The following BMP1 variants were observed in gnomAD, a reference collection of about 807,000 sequenced individuals.
BMP1 encodes mammalian tolloid protein.
BMP1 carries 63 observed loss-of-function variants against 116.8 expected under a neutral mutation model. That is an observed-to-expected ratio of 0.54 (90% CI 0.44 to 0.67). The LOEUF (loss-of-function observed/expected upper bound fraction) is 0.67. BMP1 is among the 30% of genes least tolerant of loss of function. The pLI is 0.00. For missense variants in BMP1, 1,183 were observed against 1,358.9 expected (o/e 0.87, Z 2.04); for synonymous variants, 536 against 533.4 (o/e 1.00, Z -0.07).
rs757759490 is a variant in BMP1 at position 22,165,575 on chromosome 8, G to C, written c.148+22G>C. The stretch of plus-strand genomic sequence containing the variant: ...GCGGGTGAGCGCCCCCCGGCCCCCC[G>C]GCGACGGGCCAGGCGGGGAGGCGCG... On this transcript the variant is annotated intron_variant, in intron 1 of 19. Coordinates refer to ENST00000306385, the MANE Select transcript of BMP1 (RefSeq NM_006129.5). 3 of 1,567,224 alleles carry C rather than the reference G, an allele frequency of 1.9e-6. No homozygotes were observed. The African/African-American group carries it at 4.2e-5, about 22-fold the overall frequency.
At chr8:22,192,903 T>C (rs1167965193) in intron 9 of BMP1, among the ~76,000 whole-genome samples, 1 of 152,236 alleles carries the variant, frequency 6.6e-6, no homozygotes, top group Admixed American at 6.5e-5. Context: ...CTCCTCAGCC[T>C]ATGCCTAAAA....
chr8:22,207,004 C>G, intron 17 of BMP1, 23 bp downstream of exon 17: 1 of 1,613,232 alleles, frequency 6.2e-7, no homozygotes, highest in Middle Eastern at 1.7e-4. Context: ...CTCCCCACTC[C>G]TTATGCGGTG....
chr8:22,183,520 A>C (rs1214984455), intron 8 of BMP1, among the ~76,000 whole-genome samples: 2 of 152,060 alleles, frequency 1.3e-5, no homozygotes, highest in African/African-American at 2.4e-5. Context: ...CATCCTTGGG[A>C]AATCTCACCC....
chr8:22,183,098 T>G (rs1306106188), intron 8 of BMP1, among the ~76,000 whole-genome samples: 3 of 151,852 alleles, frequency 2.0e-5, no homozygotes, highest in African/African-American at 7.3e-5. Flanking sequence ...GAACCCATTC[T>G]TCCTTGTTCT....
chr8:22,203,525 C>G (rs1397606100), intron 16 of BMP1, among the ~76,000 whole-genome samples: 2 of 152,160 alleles, frequency 1.3e-5, no homozygotes, highest in African/African-American at 2.4e-5. Flanking sequence ...CCATTGCACT[C>G]CAGCCTGGGC....
Position 22,207,486 on chromosome 8 carries a change from C to G in BMP1, c.2545C>G (p.Arg849Gly), listed in dbSNP as rs757267575. 3 of 1,613,692 alleles carry G rather than the reference C, an allele frequency of 1.9e-6. No individual in the cohort carries two copies. In the South Asian group the frequency reaches 3.3e-5, roughly 18 times the overall value. Residue 849 changes from arginine (R) to glycine (G), a missense_variant, in exon 18 of 20, where the codon CGA (arginine) becomes GGA (glycine). Arg to Gly is a moderately radical substitution (Grantham distance 125). This residue lies in a region of BMP1 where 956 missense variants were observed against 1,135.2 expected (regional missense o/e 0.84). Transcript: ENST00000306385. The stretch of plus-strand genomic sequence containing the variant: ...CTTCTACTCAGATAACTCGGTCCAG[C>G]GAAAGGGCTTCCAGGCCTCCCACGC... ...LRFYSDNSVQ[R>G]KGFQASHATE...
chr8:22,165,613 C>T, intron 1 of BMP1, 60 bp downstream of exon 1: 1 of 1,484,310 alleles, frequency 6.7e-7, no homozygotes, highest in South Asian at 1.3e-5. Flanking sequence ...CGGGTTCGGG[C>T]TTGGGGTTGG....
chr8:22,190,172 GC>G (rs1283771777), intron 8 of BMP1, among the ~76,000 whole-genome samples: 1 of 152,194 alleles, frequency 6.6e-6, no homozygotes, highest in African/African-American at 2.4e-5. Flanking sequence ...TGATCCACCT[GC>G]CTTGGCCTCC....
intron 15 of BMP1, chr8:22,198,881 T>TC: frequency 9.1e-7 from 1 of 1,102,592 alleles, no homozygotes; most frequent in Non-Finnish European, 1.1e-6. Context: ...GCCAATTTCT[T>TC]CCTTCCCTGT....
intron 15 of BMP1, chr8:22,201,423 G>A (rs1021374865): frequency 7.0e-7 from 1 of 1,423,912 alleles, no homozygotes; most frequent in Non-Finnish European, 9.1e-7. Flanking sequence ...GATGGTGTCT[G>A]TGACATTTCC....
At chr8:22,196,312 C>T in intron 13 of BMP1, 2 of 564,956 alleles carry the variant, frequency 3.5e-6, no homozygotes, top group Non-Finnish European at 3.4e-6. Context: ...GCCGATCCTG[C>T]TGTGCCCCCG....
In BMP1 at chr8:22,176,258, A is replaced by C. The variant is rs368185037; in HGVS notation, c.378A>C (p.Pro126=). 2 of 1,613,368 alleles carry C rather than the reference A, an allele frequency of 1.2e-6. No homozygotes were observed. The highest frequency in any genetic ancestry group is 3.3e-5 in the Admixed American group (2 of 59,868). ...SRSRRAATSR[P]ERVWPDGVIP... The stretch of plus-strand genomic sequence containing the variant: ...GCCGGCGGGCGGCGACGTCCCGACC[A>C]GAGCGTGTGTGGCCCGATGGGGTCA... Residue 126 remains proline (P), a synonymous_variant, in exon 3 of 20, where the codon CCA becomes CCC. Transcript: ENST00000306385.
chr8:22,166,801 G>C (rs1828126659), intron 1 of BMP1, among the ~76,000 whole-genome samples: 2 of 152,178 alleles, frequency 1.3e-5, no homozygotes, highest in South Asian at 4.1e-4. Context: ...CACCTGCTGG[G>C]CTGCGGGTAA....
rs1005751939 is a variant in BMP1 at position 22,196,234 on chromosome 8, C to T, written c.1766-446C>T. The T allele has an allele frequency of 5.3e-5, 28 of 527,500 alleles. 3 individuals carry two copies. The highest frequency in any genetic ancestry group is 3.7e-4 in the Admixed American group (19 of 51,804). The allele number at this position is 527,500 out of a possible 1,614,324, so 32.7% of individuals were successfully genotyped here. A position where few individuals can be genotyped will look rare whatever the true frequency, so the allele number is the denominator to read the frequency against. On this transcript the variant is annotated intron_variant, in intron 13 of 19. Transcript: ENST00000306385. Reference sequence around the variant, plus strand: ...CCTGTTGTGGGACAGACACTGTTTCCGCCTCTCCACGCATGGTCCCGAGAT... The same window carrying T: ...CCTGTTGTGGGACAGACACTGTTTCTGCCTCTCCACGCATGGTCCCGAGAT...
intron 8 of BMP1, among the ~76,000 whole-genome samples, chr8:22,180,704 G>A (rs1377552599): frequency 6.6e-6 from 1 of 152,230 alleles, no homozygotes; most frequent in African/African-American, 2.4e-5. Flanking sequence ...GTGTTAATTT[G>A]CACATAGCAC....
intron 2 of BMP1, among the ~76,000 whole-genome samples, chr8:22,174,659 G>T (rs1202425376): frequency 7.1e-6 from 1 of 140,538 alleles, no homozygotes; most frequent in African/African-American, 2.7e-5. Flanking sequence ...TTGAGACAGG[G>T]TCTCAGTCTG....
chr8:22,198,964 G>T lies in BMP1; in HGVS notation c.2107+1544G>T. ...GTAACACCCACTCGGGGCAGGCTCT[G>T]CCCCGGGAAACCATTACCTGCTTAC... On this transcript the variant is annotated intron_variant, in intron 15 of 19. Transcript: ENST00000306385. 3.9e-6 allele frequency: 5 copies of T among 1,280,420 alleles called. No homozygotes were observed. The Admixed American group carries it at 7.2e-5, about 19-fold the overall frequency. 79.3% of individuals were successfully genotyped at this position (1,280,420 alleles called of 1,614,324 possible).
In BMP1 at chr8:22,194,563, C is replaced by A. The variant is rs148614326; in HGVS notation, c.1416C>A (p.His472Gln). 5.0e-6 allele frequency: 8 copies of A among 1,614,074 alleles called. No individual in the cohort carries two copies. Among genetic ancestry groups the A allele is most frequent in the Non-Finnish European group, 6.8e-6 (8 of 1,180,014 alleles). The change falls in exon 11 of 20, where the codon CAC becomes CAA. Residue 472 changes from histidine (H) to glutamine (Q), a missense_variant. By Grantham distance (24) the His-to-Gln change is conservative. Transcript: ENST00000306385. The surrounding 1 kb of genome is among the most constrained non-coding windows in gnomAD (Gnocchi z 4.5). The part of the protein sequence containing the change: ...IWRIQVSEGF[H>Q]VGLTFQSFEI... The stretch of plus-strand genomic sequence containing the variant: ...GGATCCAGGTGTCTGAGGGCTTCCA[C>A]GTGGGCCTCACATTCCAGTCCTTTG...
At chr8:22,190,724 G>A (rs765123139) in intron 8 of BMP1, among the ~76,000 whole-genome samples, 33 of 152,184 alleles carry the variant, frequency 2.2e-4, no homozygotes, top group Non-Finnish European at 3.8e-4. Flanking sequence ...GACTAGCATT[G>A]ATGCTGGCTA....
Sources: gnomAD v4.1 joint callset for allele counts (sites outside exome capture counted in the v4.1 genomes callset) on GRCh38, gnomAD v4.1.1 for gene constraint, gnomAD v4.1.1 regional missense constraint, Gnocchi (gnomAD v3.1) non-coding constraint, MANE v1.5 for transcripts, NCBI Gene and HGNC (gene_info 2026-07-23, HGNC 2026-07-21) for gene names.